PSME3: variants seen among roughly 807,000 people sequenced by gnomAD.
The protein encoded by PSME3 is proteasome activator complex subunit 3.
A neutral mutation model predicts 38.3 loss-of-function variants in PSME3; 7 were observed. The observed-to-expected ratio is 0.18, with a 90% CI of 0.10 to 0.34. The LOEUF is 0.34. PSME3 is among the 10% of genes least tolerant of loss of function. PSME3 has a pLI of 1.00. For missense variants in PSME3, 192 were observed against 307.6 expected, an observed-to-expected ratio of 0.62 and a Z score of 2.81; for synonymous variants, 108 against 105.7, an observed-to-expected ratio of 1.02 and a Z score of -0.13.
chr17:42,837,970 T>C lies in PSME3; in HGVS notation c.293-123T>C, dbSNP rs1373248622. 3 of 1,056,742 alleles carry C rather than the reference T, an allele frequency of 2.8e-6. No homozygotes were observed. In the Admixed American group the frequency reaches 6.0e-5, roughly 21 times the overall value. The allele number at this position is 1,056,742 out of a possible 1,614,324, so 65.5% of individuals were successfully genotyped here. A position where few individuals can be genotyped will look rare whatever the true frequency, so the allele number is the denominator to read the frequency against. On this transcript the variant is annotated intron_variant, in intron 5 of 10. Transcript: ENST00000590720. Reference sequence around the variant, plus strand: ...CTCGTTGATTCTAATAGTGGTGTCATGGTAGGATTGTGACAAAGGCAGAGG... The same window carrying C: ...CTCGTTGATTCTAATAGTGGTGTCACGGTAGGATTGTGACAAAGGCAGAGG...
At chr17:42,835,225 TG>T (rs2055447483) in intron 4 of PSME3, among the ~76,000 whole-genome samples, 1 of 151,952 alleles carries the variant, frequency 6.6e-6, no homozygotes, top group Non-Finnish European at 1.5e-5. Flanking sequence ...TTTGTAGAGA[TG>T]GGGTTTCACC....
intron 4 of PSME3, 76 bp downstream of exon 4, chr17:42,834,952 G>T: frequency 1.3e-6 from 2 of 1,585,128 alleles, no homozygotes; most frequent in Middle Eastern, 1.7e-4. Context: ...AGTTTAAGAT[G>T]TACAGAGGGA....
At chr17:42,834,676 T>C (rs954054106) in intron 3 of PSME3, 96 bp from the exon 4 acceptor site, 1 of 1,600,084 alleles carries the variant, frequency 6.2e-7, no homozygotes, top group Non-Finnish European at 8.5e-7. Context: ...TTTTATTTTT[T>C]TAAACTGTAA....
At chr17:42,835,941 ATTG>A (rs1219814811) in intron 4 of PSME3, among the ~76,000 whole-genome samples, 2 of 149,056 alleles carry the variant, frequency 1.3e-5, no homozygotes, top group African/African-American at 2.5e-5. Flanking sequence ...ATGATACCGT[ATTG>A]TTGTCTGTAG....
intron 1 of PSME3, 173 bp downstream of exon 1, chr17:42,833,846 G>A: frequency 6.6e-7 from 1 of 1,521,980 alleles, no homozygotes; most frequent in Non-Finnish European, 8.8e-7. Context: ...GGAAAATATA[G>A]GATGGCTTTC....
In PSME3 at chr17:42,834,857, G is replaced by A. The variant is rs752568064; in HGVS notation, c.224G>A (p.Ser75Asn). The change falls in exon 4 of 11, where the codon AGC becomes AAC. Residue 75 changes from serine (S) to asparagine (N), a missense_variant. Transcript: ENST00000590720. ...CCTGACCCCATTCTTCTCACCAATA[G>A]CCATGATGGACTGGATGGTGTAAGT... ...PVPDPILLTN[S>N]HDGLDGPTYK... is the part of the protein sequence containing the mutation. The A allele has an allele frequency of 1.9e-6, 3 of 1,613,766 alleles. No homozygotes were observed. Among genetic ancestry groups the A allele is most frequent in the Middle Eastern group, 1.6e-4 (1 of 6,082 alleles).
chr17:42,834,386 A>C lies in PSME3; in HGVS notation c.75+10A>C. On this transcript the variant is annotated intron_variant, in intron 2 of 10. Coordinates refer to ENST00000590720, the MANE Select transcript of PSME3 (RefSeq NM_005789.4). ...GCGGATCACAAGTGAGGTGAGTGAA[A>C]TAAATAGAAAAATGGTTGTTGGTTG... The C allele has an allele frequency of 6.2e-7, 1 of 1,613,972 alleles. No homozygotes were observed. The highest frequency in any genetic ancestry group is 8.5e-7 in the Non-Finnish European group (1 of 1,179,912).
At chr17:42,838,594 C>T (rs2055492571) in intron 6 of PSME3, 137 bp from the exon 7 acceptor site, 24 of 852,144 alleles carry the variant, frequency 2.8e-5, no homozygotes, top group South Asian at 6.7e-5. Flanking sequence ...CTGGGATTAC[C>T]GGCATGAGCC....
At chr17:42,840,470 G>C (rs187554380) in intron 10 of PSME3, among the ~76,000 whole-genome samples, 3 of 150,410 alleles carry the variant, frequency 2.0e-5, no homozygotes, top group Admixed American at 2.0e-4. Context: ...AGCTGGGCAT[G>C]GTTGGCGGAC....
intron 1 of PSME3, 80 bp downstream of exon 1, chr17:42,833,753 C>G (rs2144238135): frequency 6.2e-7 from 1 of 1,612,844 alleles, no homozygotes. Flanking sequence ...CCCATGGCGT[C>G]TTTGTCTCCC....
intron 1 of PSME3, chr17:42,833,950 A>T: frequency 1.4e-6 from 2 of 1,439,782 alleles, no homozygotes; most frequent in Non-Finnish European, 1.8e-6. Flanking sequence ...GTAATCCCCC[A>T]GCCCAACAAC....
Position 42,839,389 on chromosome 17 carries a change from T to C in PSME3, c.684+9T>C, listed in dbSNP as rs536671415. ...AGCTGAGGAATCAATATGTGAGTAATCTCAGTCCTTGTCCATAGTTGCTGT... is the reference window on the plus strand; with the variant it reads ...AGCTGAGGAATCAATATGTGAGTAACCTCAGTCCTTGTCCATAGTTGCTGT... On this transcript the variant is annotated intron_variant, in intron 10 of 10. Coordinates refer to ENST00000590720, the MANE Select transcript of PSME3 (RefSeq NM_005789.4). 2.5e-6 allele frequency: 4 copies of C among 1,584,896 alleles called. No individual in the cohort carries two copies. The African/African-American group carries it at 4.0e-5, about 16-fold the overall frequency.
chr17:42,834,098 C>A (rs971910518), intron 1 of PSME3: 1 of 1,452,848 alleles, frequency 6.9e-7, no homozygotes, highest in Non-Finnish European at 9.0e-7. Context: ...ATTCAGACAG[C>A]TTCAGACACA....
intron 1 of PSME3, 148 bp downstream of exon 1, chr17:42,833,821 C>T (rs773986307): frequency 6.4e-7 from 1 of 1,560,820 alleles, no homozygotes; most frequent in Non-Finnish European, 8.7e-7. Flanking sequence ...CTCCCGGGGT[C>T]GGCTTCGCGG....
rs1216272196 is a variant in PSME3 at position 42,842,208 on chromosome 17, A to G, written c.*630A>G. The G allele has an allele frequency of 5.2e-5, 8 of 152,574 alleles. No individual in the cohort carries two copies. The highest frequency in any genetic ancestry group is 5.2e-4 in the Admixed American group (8 of 15,280). 9.5% of individuals were successfully genotyped at this position (152,574 alleles called of 1,614,324 possible). On this transcript the variant is annotated 3_prime_UTR_variant, in exon 11 of 11. Coordinates refer to ENST00000590720, the MANE Select transcript of PSME3 (RefSeq NM_005789.4). ...TTATAATGGGCGTTTTCACATGCAC[A>G]TATGTGTATGCATGTATACGCCCAT...
intron 6 of PSME3, 141 bp downstream of exon 6, chr17:42,838,346 C>T (rs1300222159): frequency 7.0e-7 from 1 of 1,419,930 alleles, no homozygotes; most frequent in Non-Finnish European, 9.3e-7. Context: ...CTCGCTCCAT[C>T]ACCCAGGTTG....
Position 42,837,850 on chromosome 17 carries a change from T to C in PSME3, c.292+153T>C, listed in dbSNP as rs545006433. ...CCAGCTCCTCCAAACGTGCTTGTTATTGAGTGCTCTAAACCTGGTTTTCCA... is the reference window on the plus strand; with the variant it reads ...CCAGCTCCTCCAAACGTGCTTGTTACTGAGTGCTCTAAACCTGGTTTTCCA... On this transcript the variant is annotated intron_variant, in intron 5 of 10. Coordinates refer to ENST00000590720, the MANE Select transcript of PSME3 (RefSeq NM_005789.4). 4.9e-5 allele frequency: 47 copies of C among 963,980 alleles called. No homozygotes were observed. In the African/African-American group the frequency reaches 6.2e-4, roughly 13 times the overall value. 59.7% of individuals were successfully genotyped at this position (963,980 alleles called of 1,614,324 possible). A position where few individuals can be genotyped will look rare whatever the true frequency, so the allele number is the denominator to read the frequency against.
intron 4 of PSME3, 129 bp downstream of exon 4, chr17:42,835,005 A>C (rs2055444695): frequency 7.6e-7 from 1 of 1,323,280 alleles, no homozygotes; most frequent in Non-Finnish European, 1.0e-6. Flanking sequence ...TGTTACAGAC[A>C]TGATGACTCT....
At chr17:42,840,916 G>A (rs1377499207) in intron 10 of PSME3, among the ~76,000 whole-genome samples, 3 of 152,042 alleles carry the variant, frequency 2.0e-5, no homozygotes, top group East Asian at 3.9e-4. Flanking sequence ...GGCGGATCAC[G>A]AGGTCAGGAG....
Sources: allele counts gnomAD v4.1 joint callset (sites outside exome capture counted in the v4.1 genomes callset), GRCh38; gene constraint gnomAD v4.1.1; transcripts MANE v1.5; gene names NCBI Gene and HGNC (gene_info 2026-07-23, HGNC 2026-07-21).